The following CMTM4 variants were observed in gnomAD, a reference collection of about 807,000 sequenced individuals.
CMTM4 encodes CKLF-like MARVEL transmembrane domain-containing protein 4.
In CMTM4, 8 loss-of-function variants were observed where a neutral mutation model predicts 19.0. The ratio of observed to expected loss-of-function variants is 0.42; its 90% confidence interval spans 0.25 to 0.76. The LOEUF is 0.76. Among genes scored for constraint, CMTM4 ranks in the 30% least tolerant of loss-of-function variants. The pLI, the probability that CMTM4 is intolerant of heterozygous loss-of-function variation, is 0.27. For missense variants in CMTM4, 228 were observed against 290.2 expected (o/e 0.79, Z 1.56); for synonymous variants, 106 against 121.1 (o/e 0.88, Z 0.82).
At position 66,696,347 on chromosome 16, in the gene CMTM4, G is replaced by C; in HGVS notation, c.179C>G (p.Ala60Gly). 1 of 1,409,482 alleles carries C rather than the reference G, an allele frequency of 7.1e-7. No homozygotes were observed. The highest frequency in any genetic ancestry group is 1.4e-5 in the South Asian group (1 of 70,578). The allele number at this position is 1,409,482 out of a possible 1,614,324, so 87.3% of individuals were successfully genotyped here. A position where few individuals can be genotyped will look rare whatever the true frequency, so the allele number is the denominator to read the frequency against. ...LRGALGRLKVAQVILALIAFI... is the reference protein window; with the variant it reads ...LRGALGRLKVGQVILALIAFI... The stretch of plus-strand genomic sequence containing the variant: ...GCCCCGCCCGGCACCTACCACTTGG[G>C]CGACCTTGAGGCGGCCGAGCGCGCC... The change falls in exon 1 of 4, where the codon GCC (alanine) becomes GGC (glycine). Residue 60 changes from alanine (A) to glycine (G), a missense_variant. Transcript: ENST00000394106. This position sits in a 1 kb window ranked among gnomAD's most constrained non-coding sequence, Gnocchi z 4.3.
At chr16:66,653,376 AC>A (rs112985071) in intron 1 of CMTM4, among the ~76,000 whole-genome samples, 6,551 of 150,906 alleles carry the variant, frequency 0.043, 263 homozygotes, top group East Asian at 0.16. Flanking sequence ...TACCCTGGCA[AC>A]CCCCCAGGAC....
the CMTM4 span, chr16:66,605,554 C>G: frequency 6.6e-6 from 1 of 152,426 alleles, no homozygotes; most frequent in East Asian, 1.9e-4. The surrounding 1 kb of genome is among the most constrained non-coding windows in gnomAD (Gnocchi z 4.6). Flanking sequence ...GGCGCCCGCA[C>G]TGTCCGCTGT....
rs1487286214 is a variant in CMTM4 at position 66,614,887 on chromosome 16, G to A, written c.*7171C>T. ...AACACTATGAAAAAGATCAAGACAA[G>A]TACCATGAAAAACTGGTCCTTCAAA... On this transcript the variant is annotated 3_prime_UTR_variant, in exon 4 of 4. Transcript: ENST00000394106. The surrounding 1 kb of genome is among the most constrained non-coding windows in gnomAD (Gnocchi z 4.9). 1 of 152,174 alleles carries A rather than the reference G, an allele frequency of 6.6e-6. No homozygotes were observed. Among genetic ancestry groups the A allele is most frequent in the African/African-American group, 2.4e-5 (1 of 41,450 alleles). 9.4% of individuals were successfully genotyped at this position (152,174 alleles called of 1,614,324 possible). A position where few individuals can be genotyped will look rare whatever the true frequency, so the allele number is the denominator to read the frequency against.
intron 1 of CMTM4, among the ~76,000 whole-genome samples, chr16:66,653,406 G>A (rs1423226588): frequency 1.3e-5 from 2 of 152,164 alleles, no homozygotes; most frequent in African/African-American, 2.4e-5. Context: ...CATCCAGAGA[G>A]AGAGGTCTTG....
intron 2 of CMTM4, among the ~76,000 whole-genome samples, chr16:66,626,399 C>T (rs1441252812): frequency 3.9e-5 from 6 of 152,072 alleles, no homozygotes; most frequent in Admixed American, 3.9e-4. Context: ...AGCTCAGGAG[C>T]TCAAGACCAC....
chr16:66,632,367 T>C lies in CMTM4; in HGVS notation c.363+4038A>G, dbSNP rs9928532. 6.3e-3 allele frequency among the ~76,000 whole-genome samples: 961 copies of C among 152,012 alleles called. 7 individuals are homozygous for C. Among genetic ancestry groups the C allele is most frequent in the African/African-American group, 0.02 (840 of 41,464 alleles). ...GAAGACCACCACATAGTCAGGATGG[T>C]GGACTGGGGGAAGGGGCAGGGGGTG... is the stretch of plus-strand genomic sequence containing the variant. On this transcript the variant is annotated intron_variant, in intron 2 of 3. Transcript: ENST00000394106.
At chr16:66,641,330 C>T (rs1218271760) in intron 1 of CMTM4, among the ~76,000 whole-genome samples, 1 of 152,082 alleles carries the variant, frequency 6.6e-6, no homozygotes, top group South Asian at 2.1e-4. Context: ...CACTGTGGCC[C>T]GCCTAAGATG....
At chr16:66,641,826 C>A (rs1400692251) in intron 1 of CMTM4, among the ~76,000 whole-genome samples, 12 of 152,164 alleles carry the variant, frequency 7.9e-5, no homozygotes, top group Admixed American at 7.9e-4. Context: ...TTATAACCTA[C>A]ACCTATTTAA....
At chr16:66,694,105 GA>G (rs932618477) in intron 1 of CMTM4, among the ~76,000 whole-genome samples, 6 of 151,828 alleles carry the variant, frequency 4.0e-5, no homozygotes, top group African/African-American at 9.7e-5. Context: ...GAAAAGAAAA[GA>G]AAAAAAGAAA....
intron 1 of CMTM4, among the ~76,000 whole-genome samples, chr16:66,670,636 C>T (rs897293358): frequency 2.6e-5 from 4 of 151,502 alleles, no homozygotes; most frequent in Non-Finnish European, 5.9e-5. Context: ...CCCGTCTTTA[C>T]TAAAAATACA....
chr16:66,660,961 G>T (rs1011164871), intron 1 of CMTM4, among the ~76,000 whole-genome samples: 1 of 151,986 alleles, frequency 6.6e-6, no homozygotes, highest in African/African-American at 2.4e-5. Flanking sequence ...TATCCCTCCC[G>T]AACAGACACT....
chr16:66,665,654 G>C (rs2016578738), intron 1 of CMTM4, among the ~76,000 whole-genome samples: 2 of 152,236 alleles, frequency 1.3e-5, no homozygotes, highest in East Asian at 1.9e-4. Context: ...TGAGACAGGA[G>C]AATCACTTGA....
At chr16:66,628,988 C>T (rs1252536568) in intron 2 of CMTM4, among the ~76,000 whole-genome samples, 9 of 152,010 alleles carry the variant, frequency 5.9e-5, no homozygotes, top group Admixed American at 4.6e-4. Flanking sequence ...TATCTATTAT[C>T]TTCTAGTTTT....
rs919532443 is a variant in CMTM4, at chr16:66,620,379, C to G, written c.*1679G>C. 2.0e-6 allele frequency: 2 copies of G among 985,374 alleles called. No individual in the cohort carries two copies. The highest frequency in any genetic ancestry group is 3.5e-5 in the African/African-American group (2 of 57,240). The allele number at this position is 985,374 out of a possible 1,614,324, so 61.0% of individuals were successfully genotyped here. Reference sequence around the variant, plus strand: ...AGGCTAGCAGGGTCAGCCCCTGAGGCAGACGTGGTGCTCAGCCACATAGCC... The same window carrying G: ...AGGCTAGCAGGGTCAGCCCCTGAGGGAGACGTGGTGCTCAGCCACATAGCC... On this transcript the variant is annotated 3_prime_UTR_variant, in exon 4 of 4. Transcript: ENST00000394106.
intron 1 of CMTM4, among the ~76,000 whole-genome samples, chr16:66,657,425 ATGTAAGAAAGTAATCTTGTCTT>A (rs1191444107): frequency 1.2e-4 from 19 of 152,212 alleles, no homozygotes; most frequent in African/African-American, 4.3e-4. Context: ...TAGTGTGGTT[ATGTAAGAAAGTAATCTTGTCTT>A]TAGGACACTG....
At chr16:66,604,821 C>G in the CMTM4 span, 1 of 1,303,758 alleles carries the variant, frequency 7.7e-7, no homozygotes, top group African/African-American at 1.6e-5. Flanking sequence ...GCCCCCAGAC[C>G]CCGACCCCGA....
intron 1 of CMTM4, among the ~76,000 whole-genome samples, chr16:66,652,586 A>G (rs1454207474): frequency 2.6e-5 from 4 of 152,278 alleles, no homozygotes; most frequent in African/African-American, 9.6e-5. Flanking sequence ...CTTCAACGTA[A>G]ATTTTCATAC....
Position 66,636,582 on chromosome 16 carries a change from C to T in CMTM4, c.187-1G>A. Reference sequence around the variant, plus strand: ...AGATGAATGCAATCAGGGCCAAGATCTAGGAAGAAAATTGGAAACATATAT... The same window carrying T: ...AGATGAATGCAATCAGGGCCAAGATTTAGGAAGAAAATTGGAAACATATAT... On this transcript the variant is annotated splice_acceptor_variant, in intron 1 of 3. Transcript: ENST00000394106. LOFTEE classifies it high-confidence loss of function. The T allele has an allele frequency of 6.2e-7, 1 of 1,613,458 alleles. No individual in the cohort carries two copies. Among genetic ancestry groups the T allele is most frequent in the East Asian group, 2.2e-5 (1 of 44,872 alleles).
chr16:66,675,159 C>A lies in CMTM4; in HGVS notation c.186+21181G>T, dbSNP rs571549260. The stretch of plus-strand genomic sequence containing the variant: ...GCAATGGAGTGATCTCAGCTCACTG[C>A]AACCTCTGCCTCCTGGGTTCAAGTG... On this transcript the variant is annotated intron_variant, in intron 1 of 3. Transcript: ENST00000394106. Among the ~76,000 whole-genome samples, 17 of 151,536 alleles carry A rather than the reference C, an allele frequency of 1.1e-4. 1 individual carries two copies. The South Asian group carries it at 3.5e-3, about 32-fold the overall frequency.
Sources: gnomAD v4.1 joint callset for allele counts (sites outside exome capture counted in the v4.1 genomes callset) on GRCh38, gnomAD v4.1.1 for gene constraint, Gnocchi (gnomAD v3.1) non-coding constraint, MANE v1.5 for transcripts, NCBI Gene and HGNC (gene_info 2026-07-23, HGNC 2026-07-21) for gene names.